Variants in PSG4 observed in about 807,000 individuals in gnomAD.
The protein encoded by PSG4 is pregnancy-specific beta-1-glycoprotein 4.
In PSG4, 61 loss-of-function variants were observed where a neutral mutation model predicts 44.3. That is an observed-to-expected ratio of 1.38 (90% CI 1.12 to 1.70). The LOEUF (loss-of-function observed/expected upper bound fraction) is 1.70. PSG4 is among the 40% of genes most tolerant of loss of function. PSG4 has a pLI of 0.00. For synonymous variants in PSG4, 248 were observed against 191.3 expected, an observed-to-expected ratio of 1.30 and a Z score of -2.45; for missense variants, 677 against 511.7, an observed-to-expected ratio of 1.32 and a Z score of -3.12.
At chr19:43,200,177 T>C (rs1410939494) in intron 2 of PSG4, among the ~76,000 whole-genome samples, 1 of 145,158 alleles carries the variant, frequency 6.9e-6, no homozygotes, top group East Asian at 2.4e-4. Context: ...AGAGTCTAAG[T>C]GAGATGCCAA....
chr19:43,195,902 C>A (rs1426727304), intron 3 of PSG4, among the ~76,000 whole-genome samples: 3 of 150,206 alleles, frequency 2.0e-5, no homozygotes, highest in Non-Finnish European at 3.0e-5. Flanking sequence ...CTTACTTGAA[C>A]CAGTGACCTC....
rs151127163 is a variant in PSG4, at chr19:43,195,143, G to T, written c.840C>A (p.Leu280=). The T allele has an allele frequency of 2.8e-4, 454 of 1,610,442 alleles. 8 individuals are homozygous for T. In the East Asian group the frequency reaches 9.3e-3, roughly 33 times the overall value. Residue 280 remains leucine (L), a synonymous_variant, in exon 4 of 6, where the codon CTC becomes CTA. Coordinates refer to ENST00000405312, the MANE Select transcript of PSG4 (RefSeq NM_002780.5). ...TYIWWLNGQS[L]PVSPRVKRPI... ...GTCGCTTTACCCTGGGACTGACAGG[G>T]AGGCTCTGACCATTTAGCCACCAAA...
intron 3 of PSG4, 150 bp downstream of exon 3, chr19:43,197,847 G>T: frequency 6.7e-7 from 1 of 1,485,450 alleles, no homozygotes; most frequent in Non-Finnish European, 9.1e-7. Context: ...GGCCTACTCT[G>T]GTTTGCCTGG....
In PSG4 at chr19:43,201,181, G is replaced by A. The variant is rs138542199; in HGVS notation, c.430+2705C>T. ...AGTCTCAGGCTGGCTGTCCTCACTCGTTCCTGGGCATAGGCCAGGCTAACC... is the reference window on the plus strand; with the variant it reads ...AGTCTCAGGCTGGCTGTCCTCACTCATTCCTGGGCATAGGCCAGGCTAACC... On this transcript the variant is annotated intron_variant, in intron 2 of 5. Coordinates refer to ENST00000405312, the MANE Select transcript of PSG4 (RefSeq NM_002780.5). Among the ~76,000 whole-genome samples the A allele has an allele frequency of 5.5e-5, 8 of 145,796 alleles. 1 individual carries two copies. The highest frequency in any genetic ancestry group is 2.7e-4 in the Admixed American group (4 of 14,706).
At chr19:43,193,618 T>A (rs1308532558) in intron 5 of PSG4, 3 of 579,690 alleles carry the variant, frequency 5.2e-6, no homozygotes, top group Non-Finnish European at 9.1e-6. Flanking sequence ...ATGTAGGCGC[T>A]CTTTTAGAAT....
intron 2 of PSG4, among the ~76,000 whole-genome samples, chr19:43,201,216 A>G (rs1313903370): frequency 6.9e-6 from 1 of 145,576 alleles, no homozygotes; most frequent in Admixed American, 6.8e-5. Flanking sequence ...CTTGGGAGGA[A>G]TTTAGTTTAT....
intron 1 of PSG4, 198 bp from the exon 2 acceptor site, chr19:43,204,449 C>G: frequency 6.3e-6 from 5 of 790,818 alleles, no homozygotes; most frequent in Non-Finnish European, 9.3e-6. Context: ...GCAGCATGAC[C>G]CCCATTCCTT....
Position 43,194,536 on chromosome 19 carries a change from G to T in PSG4, c.1047C>A (p.Asn349Lys). 1.9e-6 allele frequency: 3 copies of T among 1,612,514 alleles called. No homozygotes were observed. The highest frequency in any genetic ancestry group is 2.5e-6 in the Non-Finnish European group (3 of 1,179,122). ...PSFTYYRSGE[N>K]LYLSCFAESN... Reference sequence around the variant, plus strand: ...ACTCGGCGAAGCAGGACAAGTAGAGGTTTTCTCCTGAACGGTAATAGGTGA... The same window carrying T: ...ACTCGGCGAAGCAGGACAAGTAGAGTTTTTCTCCTGAACGGTAATAGGTGA... The change falls in exon 5 of 6, where the codon AAC becomes AAA. Residue 349 changes from asparagine (N) to lysine (K), a missense_variant. By Grantham distance (94) the Asn-to-Lys change is moderately conservative (BLOSUM62 0). Coordinates refer to ENST00000405312, the MANE Select transcript of PSG4 (RefSeq NM_002780.5).
rs145729630 is a variant in PSG4, at chr19:43,195,482, C to A, written c.710-209G>T. On this transcript the variant is annotated intron_variant, in intron 3 of 5. Transcript: ENST00000405312. ...CTGCTCTGTTTTAGGGAGGCACAGA[C>A]TTTCTCAAGTGTCAATTGAGCAGCA... Among the ~76,000 whole-genome samples the A allele has an allele frequency of 3.4e-3, 518 of 151,568 alleles. 19 individuals carry two copies. Among genetic ancestry groups the A allele is most frequent in the African/African-American group, 0.012 (492 of 41,210 alleles).
rs1415097510 is a variant in PSG4 at position 43,195,058 on chromosome 19, G to C, written c.925C>G (p.Gln309Glu). Residue 309 changes from glutamine to glutamate, a missense_variant, in exon 4 of 6, where the codon CAA becomes GAA. Physicochemically the swap from Gln to Glu is conservative, Grantham distance 29. Transcript: ENST00000405312. ...NVTRNETGPYQCEIRDRYGGI... is the reference protein window; with the variant it reads ...NVTRNETGPYECEIRDRYGGI... ...CCATATCGGTCCCGTATTTCACATT[G>C]ATAAGGTCCTGTTTCATTTCTCGTG... 11 of 1,611,746 alleles carry C rather than the reference G, an allele frequency of 6.8e-6. No individual in the cohort carries two copies. The African/African-American group carries it at 1.2e-4, about 18-fold the overall frequency.
rs543257261 is a variant in PSG4, at chr19:43,199,260, C to G, written c.431-985G>C. On this transcript the variant is annotated intron_variant, in intron 2 of 5. Transcript: ENST00000405312. Reference sequence around the variant, plus strand: ...CTGAGTTTGACTACTCTATGTACCTCATATAAGTGGATTCCAGAGTGAATC... The same window carrying G: ...CTGAGTTTGACTACTCTATGTACCTGATATAAGTGGATTCCAGAGTGAATC... Among the ~76,000 whole-genome samples, 227 of 144,950 alleles carry G rather than the reference C, an allele frequency of 1.6e-3. 36 individuals are homozygous for G. Among genetic ancestry groups the G allele is most frequent in the African/African-American group, 5.7e-3 (214 of 37,660 alleles).
At chr19:43,193,842 CT>C (rs1227944713) in intron 5 of PSG4, 1 of 599,214 alleles carries the variant, frequency 1.7e-6, no homozygotes, top group African/African-American at 1.9e-5. Context: ...CAGATTGTTA[CT>C]GTACTTGTGC....
chr19:43,194,156 T>C, intron 5 of PSG4, 184 bp downstream of exon 5: 1 of 1,493,686 alleles, frequency 6.7e-7, no homozygotes, highest in Non-Finnish European at 9.0e-7. Flanking sequence ...TAAGAAGATA[T>C]CAGCCTGTTT....
Position 43,203,816 on chromosome 19 carries a change from G to C in PSG4, c.430+70C>G, listed in dbSNP as rs138533408. On this transcript the variant is annotated intron_variant, in intron 2 of 5. Transcript: ENST00000405312. Reference sequence around the variant, plus strand: ...GGACACAGGCAGAGTCCAGGCCTGAGAATCCTGTGTGTGTGAAGTAGAAGT... The same window carrying C: ...GGACACAGGCAGAGTCCAGGCCTGACAATCCTGTGTGTGTGAAGTAGAAGT... 633 of 1,557,222 alleles carry C rather than the reference G, an allele frequency of 4.1e-4. 101 individuals carry two copies. In the African/African-American group the frequency reaches 7.0e-3, roughly 17 times the overall value.
In PSG4 at chr19:43,205,560, C is replaced by A. The variant is rs1285139769; in HGVS notation, c.-24G>T. The A allele has an allele frequency of 2.0e-6, 3 of 1,534,780 alleles. 1 individual carries two copies. The highest frequency in any genetic ancestry group is 1.1e-5 in the South Asian group (1 of 88,092). On this transcript the variant is annotated 5_prime_UTR_variant, in exon 1 of 6. Coordinates refer to ENST00000405312, the MANE Select transcript of PSG4 (RefSeq NM_002780.5). ...ATGGTCTCTGCTGCTTGTGTGTTCT[C>A]CTCTGTGGAGATAAGCCTAGGATCC...
rs763937597 is a variant in PSG4, at chr19:43,203,846, CCT to C, written c.430+38_430+39del. 134 of 1,567,750 alleles carry C rather than the reference CCT, an allele frequency of 8.5e-5. 8 individuals carry two copies. The highest frequency in any genetic ancestry group is 9.3e-5 in the Non-Finnish European group (108 of 1,162,200). On this transcript the variant is annotated intron_variant, in intron 2 of 5. Transcript: ENST00000405312. The stretch of plus-strand genomic sequence containing the variant: ...CTGTGTGTGTGAAGTAGAAGTGACC[CCT>C]GTCCCCCAACACCCAGGGATCATGT...
rs1055419266 is a variant in PSG4, at chr19:43,199,735, G to A, written c.431-1460C>T. On this transcript the variant is annotated intron_variant, in intron 2 of 5. Transcript: ENST00000405312. ...CTCTAGTAACAAAAAAAAATTTGGA[G>A]GAAACATTAAAATGTTTTCATAAGT... Among the ~76,000 whole-genome samples the A allele has an allele frequency of 5.5e-5, 8 of 145,428 alleles. 1 individual carries two copies. The East Asian group carries it at 1.2e-3, about 21-fold the overall frequency.
At chr19:43,201,323 T>A (rs1267498322) in intron 2 of PSG4, among the ~76,000 whole-genome samples, 1 of 145,632 alleles carries the variant, frequency 6.9e-6, no homozygotes, top group East Asian at 2.3e-4. Context: ...TGAAAGACCA[T>A]GAGATTAAGA....
intron 1 of PSG4, 25 bp downstream of exon 1, chr19:43,205,448 C>G (rs780343890): frequency 1.3e-6 from 2 of 1,519,728 alleles, no homozygotes; most frequent in Non-Finnish European, 1.8e-6. Context: ...TCCTCCTGTC[C>G]TCTCCCAGGA....
Sources: gnomAD v4.1 joint callset for allele counts (sites outside exome capture counted in the v4.1 genomes callset) on GRCh38, gnomAD v4.1.1 for gene constraint, MANE v1.5 for transcripts, NCBI Gene and HGNC (gene_info 2026-07-23, HGNC 2026-07-21) for gene names.